Variants in ERAP1 observed in about 807,000 individuals in gnomAD.
ERAP1 encodes endoplasmic reticulum aminopeptidase 1.
A neutral mutation model predicts 103.7 loss-of-function variants in ERAP1; 86 were observed. The observed-to-expected ratio is 0.83, with a 90% CI of 0.70 to 0.99. The LOEUF is 0.99. Among genes scored for constraint, ERAP1 ranks in the 50% least tolerant of loss-of-function variants. The pLI, the probability that ERAP1 is intolerant of heterozygous loss-of-function variation, is 0.00. For synonymous variants in ERAP1, 398 were observed against 402.4 expected (o/e 0.99, Z 0.13); for missense variants, 1,009 against 1,128.4 (o/e 0.89, Z 1.52).
At chr5:96,827,880 T>C in the ERAP1 span, among the ~76,000 whole-genome samples, 1 of 152,204 alleles carries the variant, frequency 6.6e-6, no homozygotes, top group Admixed American at 6.5e-5. Context: ...GTGAGGATAA[T>C]AGAAGATAAG....
the ERAP1 span, among the ~76,000 whole-genome samples, chr5:96,835,800 G>A: frequency 1.3e-5 from 2 of 152,122 alleles, no homozygotes; most frequent in African/African-American, 4.8e-5. Flanking sequence ...AACTGGAGCA[G>A]GGTCTTCAAA....
At chr5:96,921,323 G>A in the ERAP1 span, among the ~76,000 whole-genome samples, 3 of 152,168 alleles carry the variant, frequency 2.0e-5, no homozygotes, top group African/African-American at 7.2e-5. Context: ...TACATTTTTA[G>A]TTATTTTTAG....
At chr5:96,910,000 C>T in the ERAP1 span, 2 of 397,556 alleles carry the variant, frequency 5.0e-6, no homozygotes, top group Admixed American at 7.0e-5. Context: ...ATGCAGTGGC[C>T]CACGCCTATA....
chr5:96,838,619 A>C, the ERAP1 span, among the ~76,000 whole-genome samples: 1 of 151,060 alleles, frequency 6.6e-6, no homozygotes, highest in Non-Finnish European at 1.5e-5. Flanking sequence ...GAATTCTTAA[A>C]TTTGTAGATA....
the ERAP1 span, chr5:96,880,061 G>C: frequency 1.3e-5 from 21 of 1,614,136 alleles, no homozygotes; most frequent in Non-Finnish European, 1.8e-5. Context: ...TCAGTCAGAG[G>C]AAGATTCAAG....
At chr5:96,895,615 T>C in the ERAP1 span, among the ~76,000 whole-genome samples, 1 of 152,184 alleles carries the variant, frequency 6.6e-6, no homozygotes, top group Non-Finnish European at 1.5e-5. Context: ...GAACTGTGTA[T>C]GTGGGTTGAG....
chr5:96,775,287 C>CAAAG lies in ERAP1; in HGVS notation c.*1105_*1108dup, dbSNP rs1174816837. On this transcript the variant is annotated 3_prime_UTR_variant, in exon 19 of 19. Transcript: ENST00000443439. Reference sequence around the variant, plus strand: ...ACAAAAGAAAGAAAGACTTCAAAGCCAAAGAATGTCCTATTTGCTAATATG... The same window carrying CAAAG: ...ACAAAAGAAAGAAAGACTTCAAAGCCAAAGAAAGAATGTCCTATTTGCTAATATG... 13 of 985,226 alleles carry CAAAG rather than the reference C, an allele frequency of 1.3e-5. No individual in the cohort carries two copies. Among genetic ancestry groups the CAAAG allele is most frequent in the East Asian group, 1.1e-4 (1 of 8,962 alleles). 61.0% of individuals were successfully genotyped at this position (985,226 alleles called of 1,614,324 possible).
At chr5:96,887,098 TATACACACAC>T in the ERAP1 span, among the ~76,000 whole-genome samples, 7 of 99,730 alleles carry the variant, frequency 7.0e-5, no homozygotes, top group South Asian at 8.3e-4. Flanking sequence ...TATATATATA[TATACACACAC>T]ACACACACAC....
chr5:96,789,581 A>G (rs1040122518), intron 10 of ERAP1, among the ~76,000 whole-genome samples: 1 of 152,208 alleles, frequency 6.6e-6, no homozygotes, highest in African/African-American at 2.4e-5. Context: ...AAAGCCAAGA[A>G]AGTAAACATA....
At chr5:96,801,264 C>T (rs569859941) in intron 2 of ERAP1, among the ~76,000 whole-genome samples, 16 of 152,042 alleles carry the variant, frequency 1.1e-4, no homozygotes, top group African/African-American at 3.9e-4. Context: ...GTGAGACCTA[C>T]CTGGGCAACA....
At chr5:96,932,216 A>G in the ERAP1 span, among the ~76,000 whole-genome samples, 1 of 152,214 alleles carries the variant, frequency 6.6e-6, no homozygotes, top group South Asian at 2.1e-4. Context: ...TTCGGTCCTT[A>G]GGGTGGCCGG....
chr5:96,875,352 T>G, the ERAP1 span, among the ~76,000 whole-genome samples: 1 of 151,628 alleles, frequency 6.6e-6, no homozygotes, highest in East Asian at 1.9e-4. Flanking sequence ...CTGAGCAACA[T>G]GGGAAGACCT....
chr5:96,795,334 C>T (rs25866), intron 4 of ERAP1, among the ~76,000 whole-genome samples, 172 bp from the exon 5 acceptor site: 2 of 151,910 alleles, frequency 1.3e-5, no homozygotes, highest in South Asian at 2.1e-4. Flanking sequence ...CTGATTAATC[C>T]CCCTTCTGAA....
At chr5:96,841,618 A>T in the ERAP1 span, among the ~76,000 whole-genome samples, 1 of 152,328 alleles carries the variant, frequency 6.6e-6, no homozygotes, top group African/African-American at 2.4e-5. Flanking sequence ...AACCTAGCTA[A>T]CCCAGAGAAG....
At chr5:96,784,508 G>T (rs1384911409) in intron 13 of ERAP1, among the ~76,000 whole-genome samples, 1 of 151,878 alleles carries the variant, frequency 6.6e-6, no homozygotes, top group Non-Finnish European at 1.5e-5. Context: ...CAAACAGATA[G>T]ATAACTACTA....
the ERAP1 span, chr5:96,881,431 C>T: frequency 2.2e-6 from 1 of 456,212 alleles, no homozygotes; most frequent in Non-Finnish European, 4.4e-6. Context: ...ATCAAGGATG[C>T]TTCATAGAGT....
the ERAP1 span, among the ~76,000 whole-genome samples, chr5:96,907,388 G>T: frequency 6.6e-6 from 1 of 152,156 alleles, no homozygotes; most frequent in Non-Finnish European, 1.5e-5. Flanking sequence ...ATTTTAGTAA[G>T]AAATCAATTA....
chr5:96,783,955 C>CT lies in ERAP1; in HGVS notation c.2068dup (p.Arg690LysfsTer5). 6.2e-7 allele frequency: 1 copy of CT among 1,613,634 alleles called. No homozygotes were observed. Among genetic ancestry groups the CT allele is most frequent in the Non-Finnish European group, 8.5e-7 (1 of 1,179,804 alleles). Reference sequence around the variant, plus strand: ...TTGAGTTTCCACTTCATTCATATCTCTTTTCTCCATTAACTTATACATAGG... The same window carrying CT: ...TTGAGTTTCCACTTCATTCATATCTCTTTTTCTCCATTAACTTATACATAGG... On this transcript the variant is annotated frameshift_variant, in exon 14 of 19. Transcript: ENST00000443439. LOFTEE classifies it high-confidence loss of function.
chr5:96,836,176 G>GTTTTTTTTTTTTTTTTTTTTTTTTTGT, the ERAP1 span, among the ~76,000 whole-genome samples: 3 of 106,684 alleles, frequency 2.8e-5, no homozygotes, highest in Non-Finnish European at 5.4e-5. Flanking sequence ...CACCTCTTTG[G>GTTTTTTTTTTTTTTTTTTTTTTTTTGT]TTTTTTTTTT....
Sources: gnomAD v4.1 joint callset for allele counts (sites outside exome capture counted in the v4.1 genomes callset) on GRCh38, gnomAD v4.1.1 for gene constraint, MANE v1.5 for transcripts, NCBI Gene and HGNC (gene_info 2026-07-23, HGNC 2026-07-21) for gene names.